The following ADAMTS8 variants were observed in gnomAD, a reference collection of about 807,000 sequenced individuals.
ADAMTS8 encodes the protein ADAM metallopeptidase with thrombospondin type 1 motif 8.
ADAMTS8 carries 50 observed loss-of-function variants against 64.4 expected under a neutral mutation model. The observed-to-expected ratio is 0.78, with a 90% CI of 0.62 to 0.98. The LOEUF (loss-of-function observed/expected upper bound fraction) is 0.98, where lower values mean the gene tolerates loss of function less well. Among genes scored for constraint, ADAMTS8 ranks in the 50% least tolerant of loss-of-function variants. ADAMTS8 has a pLI of 0.00. For missense variants in ADAMTS8, 1,192 were observed against 1,208.2 expected (o/e 0.99, Z 0.20); for synonymous variants, 556 against 533.6 (o/e 1.04, Z -0.58).
Position 130,408,876 on chromosome 11 carries a change from C to G in ADAMTS8, c.1815G>C (p.Gly605=). The G allele has an allele frequency of 1.9e-6, 3 of 1,610,478 alleles. No individual in the cohort carries two copies. The highest frequency in any genetic ancestry group is 1.7e-6 in the Non-Finnish European group (2 of 1,178,524). ...YNAYNYTDMD[G]NLLQWVPKYA... The stretch of plus-strand genomic sequence containing the variant: ...ACTTGGGGACCCACTGCAGGAGATT[C>G]CCGTCCATGTCAGTGTAATTGTAGG... Residue 605 remains glycine, a synonymous_variant, in exon 7 of 9, where the codon GGG becomes GGC. Coordinates refer to ENST00000257359, the MANE Select transcript of ADAMTS8 (RefSeq NM_007037.6).
rs1197120163 is a variant in ADAMTS8 at position 130,427,542 on chromosome 11, G to T, written c.720+25C>A. 4 of 1,531,984 alleles carry T rather than the reference G, an allele frequency of 2.6e-6. No individual in the cohort carries two copies. In the Admixed American group the frequency reaches 5.9e-5, roughly 23 times the overall value. 94.9% of individuals were successfully genotyped at this position (1,531,984 alleles called of 1,614,324 possible). On this transcript the variant is annotated intron_variant, in intron 1 of 8. Coordinates refer to ENST00000257359, the MANE Select transcript of ADAMTS8 (RefSeq NM_007037.6). ...CGTCTGGGGGGCCTCCGGGCACGGC[G>T]GCTGGAGGAGGCTCTCAGTCCTACC...
chr11:130,416,761 C>T lies in ADAMTS8; in HGVS notation c.1096+179G>A, dbSNP rs1298398125. Among the ~76,000 whole-genome samples, 5 of 152,112 alleles carry T rather than the reference C, an allele frequency of 3.3e-5. No homozygotes were observed. Among genetic ancestry groups the T allele is most frequent in the African/African-American group, 1.2e-4 (5 of 41,430 alleles). ...TTTGGCCATGTGCTCGGGGTGGGAG[C>T]GGAGTTGTGTTCAGCACTGTCAAGC... is the stretch of plus-strand genomic sequence containing the variant. On this transcript the variant is annotated intron_variant, in intron 3 of 8. Transcript: ENST00000257359. This position sits in a 1 kb window ranked among gnomAD's most constrained non-coding sequence, Gnocchi z 4.8.
At position 130,411,169 on chromosome 11, in the gene ADAMTS8, C is replaced by A. The variant is rs539217939; in HGVS notation, c.1750+248G>T. Among the ~76,000 whole-genome samples the A allele has an allele frequency of 2.6e-5, 4 of 152,168 alleles. No homozygotes were observed. Among genetic ancestry groups the A allele is most frequent in the African/African-American group, 9.7e-5 (4 of 41,448 alleles). On this transcript the variant is annotated intron_variant, in intron 6 of 8. Coordinates refer to ENST00000257359, the MANE Select transcript of ADAMTS8 (RefSeq NM_007037.6). This position sits in a 1 kb window ranked among gnomAD's most constrained non-coding sequence, Gnocchi z 4.2. ...AATTTCTCTCCTTGACTTTGCCAGG[C>A]TCTCTGAACACTATGAGAGCTGTCC... is the stretch of plus-strand genomic sequence containing the variant.
chr11:130,427,478 A>AG, intron 1 of ADAMTS8, 89 bp downstream of exon 1: 1 of 546,538 alleles, frequency 1.8e-6, no homozygotes, highest in Non-Finnish European at 2.6e-6. Context: ...TTTTTTTCTC[A>AG]GAGGGATTGG....
intron 1 of ADAMTS8, among the ~76,000 whole-genome samples, chr11:130,423,703 G>A (rs946264423): frequency 1.3e-5 from 2 of 152,208 alleles, no homozygotes; most frequent in African/African-American, 2.4e-5. Flanking sequence ...AAGAGGACTC[G>A]AAAACTCTGC....
At position 130,411,187 on chromosome 11, in the gene ADAMTS8, A is replaced by G. The variant is rs887432071; in HGVS notation, c.1750+230T>C. On this transcript the variant is annotated intron_variant, in intron 6 of 8. Transcript: ENST00000257359. The surrounding 1 kb of genome is among the most constrained non-coding windows in gnomAD (Gnocchi z 4.2). The stretch of plus-strand genomic sequence containing the variant: ...TGCCAGGCTCTCTGAACACTATGAG[A>G]GCTGTCCCGGGTCCCTGAGAGCTGC... Among the ~76,000 whole-genome samples, 2 of 152,072 alleles carry G rather than the reference A, an allele frequency of 1.3e-5. No homozygotes were observed. Among genetic ancestry groups the G allele is most frequent in the African/African-American group, 2.4e-5 (1 of 41,382 alleles).
intron 1 of ADAMTS8, among the ~76,000 whole-genome samples, chr11:130,425,281 C>T (rs775129095): frequency 3.0e-4 from 45 of 152,178 alleles, no homozygotes; most frequent in Non-Finnish European, 5.1e-4. Flanking sequence ...TTCAGCAGCC[C>T]GGGCATCCTG....
Position 130,411,783 on chromosome 11 carries a change from A to C in ADAMTS8, c.1567-183T>G. On this transcript the variant is annotated intron_variant, in intron 5 of 8. Coordinates refer to ENST00000257359, the MANE Select transcript of ADAMTS8 (RefSeq NM_007037.6). This position sits in a 1 kb window ranked among gnomAD's most constrained non-coding sequence, Gnocchi z 4.2. ...GTGGCCTGCATGGCTTTGTGAGCAC[A>C]GAGACCAGGCTGGACTCATTCACTA... 1 of 652,572 alleles carries C rather than the reference A, an allele frequency of 1.5e-6. No homozygotes were observed. The highest frequency in any genetic ancestry group is 2.6e-6 in the Non-Finnish European group (1 of 384,128). The allele number at this position is 652,572 out of a possible 1,614,324, so 40.4% of individuals were successfully genotyped here.
chr11:130,411,786 G>T lies in ADAMTS8; in HGVS notation c.1567-186C>A, dbSNP rs1861956224. The T allele has an allele frequency of 1.6e-6, 1 of 633,938 alleles. No homozygotes were observed. Among genetic ancestry groups the T allele is most frequent in the Non-Finnish European group, 2.7e-6 (1 of 368,380 alleles). The allele number at this position is 633,938 out of a possible 1,614,324, so 39.3% of individuals were successfully genotyped here. On this transcript the variant is annotated intron_variant, in intron 5 of 8. Coordinates refer to ENST00000257359, the MANE Select transcript of ADAMTS8 (RefSeq NM_007037.6). The surrounding 1 kb of genome is among the most constrained non-coding windows in gnomAD (Gnocchi z 4.2). ...GCCTGCATGGCTTTGTGAGCACAGA[G>T]ACCAGGCTGGACTCATTCACTACTG... is the stretch of plus-strand genomic sequence containing the variant.
In ADAMTS8 at chr11:130,414,614, A is replaced by T. The variant is rs771959341; in HGVS notation, c.1483T>A (p.Trp495Arg). The T allele has an allele frequency of 1.2e-6, 2 of 1,613,434 alleles. No homozygotes were observed. Among genetic ancestry groups the T allele is most frequent in the African/African-American group, 2.7e-5 (2 of 75,058 alleles). ...LCHTKNGSLP[W>R]ADGTPCGPGH... ...GGCCCGCACGGCGTGCCGTCAGCCC[A>T]GGGCAGGCTGCCATTCTTCGTGTGG... The change falls in exon 5 of 9, where the codon TGG becomes AGG. Residue 495 changes from tryptophan to arginine, a missense_variant. By Grantham distance (101) the Trp-to-Arg change is moderately radical (BLOSUM62 -3). This residue lies in a region of ADAMTS8 where 741 missense variants were observed against 710.6 expected (regional missense o/e 1.04). Coordinates refer to ENST00000257359, the MANE Select transcript of ADAMTS8 (RefSeq NM_007037.6).
chr11:130,406,334 G>A (rs151161033), intron 8 of ADAMTS8, among the ~76,000 whole-genome samples: 1 of 152,230 alleles, frequency 6.6e-6, no homozygotes, highest in East Asian at 1.9e-4. Context: ...AAGGGTGTTT[G>A]CTTCATCTGG....
chr11:130,423,393 A>AG (rs966590005), intron 1 of ADAMTS8, among the ~76,000 whole-genome samples: 135 of 151,502 alleles, frequency 8.9e-4, no homozygotes, highest in African/African-American at 2.0e-3. Flanking sequence ...GCCACAGAGC[A>AG]GGGGGGGGCA....
chr11:130,416,454 G>T lies in ADAMTS8; in HGVS notation c.1097-124C>A. 1 of 1,116,124 alleles carries T rather than the reference G, an allele frequency of 9.0e-7. No homozygotes were observed. Among genetic ancestry groups the T allele is most frequent in the Non-Finnish European group, 1.2e-6 (1 of 810,148 alleles). The allele number at this position is 1,116,124 out of a possible 1,614,324, so 69.1% of individuals were successfully genotyped here. On this transcript the variant is annotated intron_variant, in intron 3 of 8. Transcript: ENST00000257359. The surrounding 1 kb of genome is among the most constrained non-coding windows in gnomAD (Gnocchi z 4.8). Reference sequence around the variant, plus strand: ...ACCCCCTCACTCTCCGAAGATTTCTGCGTAGGGCTTTCCCCTGCGCTTTGC... The same window carrying T: ...ACCCCCTCACTCTCCGAAGATTTCTTCGTAGGGCTTTCCCCTGCGCTTTGC...
chr11:130,414,504 C>G, intron 5 of ADAMTS8, 27 bp downstream of exon 5: 1 of 1,555,490 alleles, frequency 6.4e-7, no homozygotes, highest in Non-Finnish European at 8.7e-7. Flanking sequence ...TTTCCCCTCC[C>G]CGCTATCCTC....
rs780502382 is a variant in ADAMTS8, at chr11:130,428,354, G to C, written c.-68C>G. 1.6e-6 allele frequency: 2 copies of C among 1,240,548 alleles called. No individual in the cohort carries two copies. The highest frequency in any genetic ancestry group is 2.0e-6 in the Non-Finnish European group (2 of 980,778). 76.8% of individuals were successfully genotyped at this position (1,240,548 alleles called of 1,614,324 possible). A position where few individuals can be genotyped will look rare whatever the true frequency, so the allele number is the denominator to read the frequency against. On this transcript the variant is annotated 5_prime_UTR_variant, in exon 1 of 9. Transcript: ENST00000257359. The stretch of plus-strand genomic sequence containing the variant: ...CGCCAGGCGCGGGCAGGTGCTGGCG[G>C]CCCGAGCGCGGCCCGGCCGCTCTCT...
chr11:130,408,609 T>C lies in ADAMTS8; in HGVS notation c.1954A>G (p.Thr652Ala). Residue 652 changes from threonine to alanine, a missense_variant, in exon 8 of 9, where the codon ACA becomes GCA. By Grantham distance (58) the Thr-to-Ala change is moderately conservative (BLOSUM62 0). Around this residue, in one of 5 missense-constraint regions of ADAMTS8, gnomAD observed 290 missense variants for 297.8 expected, o/e 0.97. Coordinates refer to ENST00000257359, the MANE Select transcript of ADAMTS8 (RefSeq NM_007037.6). Reference sequence around the variant, plus strand: ...TGGCCACGGACACAGATGGCCAGTGTTTCTGGCCCACACAGGGTGCCATCA... The same window carrying C: ...TGGCCACGGACACAGATGGCCAGTGCTTCTGGCCCACACAGGGTGCCATCA... ...VIDGTLCGPE[T>A]LAICVRGQCV... 1 of 1,614,128 alleles carries C rather than the reference T, an allele frequency of 6.2e-7. No homozygotes were observed. Among genetic ancestry groups the C allele is most frequent in the Non-Finnish European group, 8.5e-7 (1 of 1,180,018 alleles).
Position 130,427,841 on chromosome 11 carries a change from C to A in ADAMTS8, c.446G>T (p.Arg149Leu). Residue 149 changes from arginine to leucine, a missense_variant, in exon 1 of 9, where the codon CGC (arginine) becomes CTC (leucine). Around this residue, in one of 5 missense-constraint regions of ADAMTS8, gnomAD observed 741 missense variants for 710.6 expected, o/e 1.04. Transcript: ENST00000257359. Reference sequence around the variant, plus strand: ...TCCGGCGGGACCCCAGCGCTGCAGGCGGTGCGGCTGAGCCAGGGAGCCCCC... The same window carrying A: ...TCCGGCGGGACCCCAGCGCTGCAGGAGGTGCGGCTGAGCCAGGGAGCCCCC... ...GAGGSLAQPHRLQRWGPAGAR... is the reference protein window; with the variant it reads ...GAGGSLAQPHLLQRWGPAGAR... The A allele has an allele frequency of 6.5e-7, 1 of 1,543,078 alleles. No homozygotes were observed.
At chr11:130,417,962 G>A (rs1388075952) in intron 2 of ADAMTS8, among the ~76,000 whole-genome samples, 1 of 145,476 alleles carries the variant, frequency 6.9e-6, no homozygotes, top group African/African-American at 2.6e-5. Flanking sequence ...CCAGGAGCTG[G>A]AGACAAGGCT....
rs749499682 is a variant in ADAMTS8 at position 130,419,305 on chromosome 11, A to T, written c.721-13T>A. The T allele has an allele frequency of 2.5e-6, 4 of 1,613,702 alleles. No individual in the cohort carries two copies. The highest frequency in any genetic ancestry group is 3.4e-6 in the Non-Finnish European group (4 of 1,179,894). ...TCAGGATGTGGTTCTGTCAGGAAGG[A>T]GGAGACAAGAGGCGGAGTGAAGGGT... On this transcript the variant is annotated splice_polypyrimidine_tract_variant and intron_variant, in intron 1 of 8. Transcript: ENST00000257359.
Sources: allele counts gnomAD v4.1 joint callset (sites outside exome capture counted in the v4.1 genomes callset), GRCh38; gene constraint gnomAD v4.1.1; regional missense constraint gnomAD v4.1.1; non-coding constraint Gnocchi (gnomAD v3.1); transcripts MANE v1.5; gene names NCBI Gene and HGNC (gene_info 2026-07-23, HGNC 2026-07-21).